Variants in TAS2R1 observed in about 807,000 individuals in gnomAD.
The protein encoded by TAS2R1 is taste receptor type 2 member 1.
For synonymous variants in TAS2R1, 141 were observed against 134.2 expected (o/e 1.05, Z -0.35); for missense variants, 370 against 353.4 (o/e 1.05, Z -0.38).
At chr5:9,887,009 A>G in the TAS2R1 span, among the ~76,000 whole-genome samples, 1 of 152,180 alleles carries the variant, frequency 6.6e-6, no homozygotes, top group Non-Finnish European at 1.5e-5. Flanking sequence ...GGTACAACAT[A>G]TACCCATTTC....
At chr5:9,805,806 T>C in the TAS2R1 span, among the ~76,000 whole-genome samples, 1 of 151,846 alleles carries the variant, frequency 6.6e-6, no homozygotes, top group South Asian at 2.1e-4. Context: ...AACAGGGAAA[T>C]GTTGAAAGAA....
the TAS2R1 span, among the ~76,000 whole-genome samples, chr5:9,758,306 G>A: frequency 2.6e-5 from 4 of 152,068 alleles, no homozygotes; most frequent in African/African-American, 4.8e-5. Flanking sequence ...GAGGGATTAC[G>A]GCCTTTGTCA....
the TAS2R1 span, among the ~76,000 whole-genome samples, chr5:9,729,030 T>C: frequency 1.3e-5 from 2 of 152,182 alleles, no homozygotes; most frequent in South Asian, 4.1e-4. Flanking sequence ...AAAACCAGCA[T>C]CCAGCTGTGC....
chr5:9,784,339 T>C, the TAS2R1 span, among the ~76,000 whole-genome samples: 2 of 152,266 alleles, frequency 1.3e-5, no homozygotes, highest in African/African-American at 4.8e-5. Flanking sequence ...CATCCAGGAC[T>C]CACCACAACT....
chr5:9,667,311 C>T (rs1160175130), intron 1 of TAS2R1, among the ~76,000 whole-genome samples: 1 of 152,192 alleles, frequency 6.6e-6, no homozygotes, highest in Non-Finnish European at 1.5e-5. Context: ...AAAGCTTTAC[C>T]TGTTAGAGCT....
chr5:9,650,871 G>A (rs1188755852), intron 2 of TAS2R1, among the ~76,000 whole-genome samples: 5 of 152,114 alleles, frequency 3.3e-5, no homozygotes, highest in Admixed American at 3.3e-4. Context: ...CCAGTAACTA[G>A]ATGGTGCTTG....
intron 1 of TAS2R1, among the ~76,000 whole-genome samples, chr5:9,707,859 C>T (rs1741649971): frequency 6.6e-6 from 1 of 152,018 alleles, no homozygotes; most frequent in African/African-American, 2.4e-5. Context: ...CTGCAGATGC[C>T]CCTGTGTCAC....
At chr5:9,684,711 G>A (rs147325198) in intron 1 of TAS2R1, among the ~76,000 whole-genome samples, 2,719 of 152,090 alleles carry the variant, frequency 0.018, 44 homozygotes, top group Non-Finnish European at 0.023. Flanking sequence ...TTAGAAGACA[G>A]GATTTTGAAT....
At chr5:9,661,297 C>G (rs991478106) in intron 1 of TAS2R1, among the ~76,000 whole-genome samples, 7 of 152,174 alleles carry the variant, frequency 4.6e-5, no homozygotes, top group African/African-American at 1.7e-4. Context: ...ACTAAACTTT[C>G]TATACTAAAA....
the TAS2R1 span, among the ~76,000 whole-genome samples, chr5:9,788,269 T>C: frequency 6.6e-6 from 1 of 152,198 alleles, no homozygotes; most frequent in South Asian, 2.1e-4. Context: ...ATTTGCACTG[T>C]CCAAACACAC....
the TAS2R1 span, among the ~76,000 whole-genome samples, chr5:9,885,203 C>T: frequency 6.6e-6 from 1 of 152,118 alleles, no homozygotes; most frequent in East Asian, 1.9e-4. Flanking sequence ...TACACTATTG[C>T]CTCTGTAATG....
At chr5:9,722,220 C>A in the TAS2R1 span, among the ~76,000 whole-genome samples, 3 of 152,222 alleles carry the variant, frequency 2.0e-5, no homozygotes, top group Non-Finnish European at 4.4e-5. Flanking sequence ...CACAGGGGAC[C>A]CCTGAGGCCA....
chr5:9,862,128 G>A, the TAS2R1 span, among the ~76,000 whole-genome samples: 1 of 152,120 alleles, frequency 6.6e-6, no homozygotes, highest in African/African-American at 2.4e-5. Context: ...AGGAGGGACT[G>A]GCAAATCCAT....
At chr5:9,763,138 A>G in the TAS2R1 span, among the ~76,000 whole-genome samples, 58 of 152,356 alleles carry the variant, frequency 3.8e-4, 1 homozygote, top group South Asian at 0.011. Flanking sequence ...TCGGAGAATT[A>G]GTTTTGAAGG....
At chr5:9,658,528 G>A (rs1339244260) in intron 2 of TAS2R1, 1 of 152,210 alleles carries the variant, frequency 6.6e-6, no homozygotes, top group Non-Finnish European at 1.5e-5. Context: ...TGCTGCCAGT[G>A]CTGCTCGGCT....
chr5:9,837,995 T>C, the TAS2R1 span, among the ~76,000 whole-genome samples: 6 of 152,206 alleles, frequency 3.9e-5, no homozygotes, highest in Non-Finnish European at 8.8e-5. Flanking sequence ...AGTCCCAGCA[T>C]TGCTTCCTCA....
the TAS2R1 span, among the ~76,000 whole-genome samples, chr5:9,726,150 T>G: frequency 6.6e-6 from 1 of 152,042 alleles, no homozygotes. Flanking sequence ...TGTGTCTACC[T>G]CAAGGTTTGT....
intron 2 of TAS2R1, among the ~76,000 whole-genome samples, chr5:9,637,294 C>A (rs1739982962): frequency 6.6e-6 from 1 of 152,178 alleles, no homozygotes; most frequent in African/African-American, 2.4e-5. Flanking sequence ...GCTGAGAAGT[C>A]TGCTGTTAAT....
At chr5:9,731,875 T>C in the TAS2R1 span, among the ~76,000 whole-genome samples, 7,276 of 152,296 alleles carry the variant, frequency 0.048, 510 homozygotes, top group African/African-American at 0.14. Context: ...CTTAGTTTAG[T>C]TGTTGACATG....
Sources: allele counts gnomAD v4.1 joint callset (sites outside exome capture counted in the v4.1 genomes callset), GRCh38; gene constraint gnomAD v4.1.1; transcripts MANE v1.5; gene names NCBI Gene and HGNC (gene_info 2026-07-23, HGNC 2026-07-21).